The following TRAF7 variants were observed in gnomAD, a reference collection of about 807,000 sequenced individuals.
TRAF7 encodes the protein TNF receptor associated factor 7.
A neutral mutation model predicts 89.3 loss-of-function variants in TRAF7; 45 were observed. That is an observed-to-expected ratio of 0.50 (90% CI 0.40 to 0.65). The LOEUF is 0.65. Ranked by LOEUF, TRAF7 falls within the 30% of genes least tolerant of loss-of-function variation. The pLI, the probability that TRAF7 is intolerant of heterozygous loss-of-function variation, is 0.00. For missense variants in TRAF7, 677 were observed against 918.1 expected, an observed-to-expected ratio of 0.74 and a Z score of 3.39; for synonymous variants, 406 against 369.2, an observed-to-expected ratio of 1.10 and a Z score of -1.14.
chr16:2,175,015 G>GT lies in TRAF7; in HGVS notation c.1347-94dup, dbSNP rs2093129817. 5 of 1,493,476 alleles carry GT rather than the reference G, an allele frequency of 3.3e-6. No individual in the cohort carries two copies. In the East Asian group the frequency reaches 6.8e-5, roughly 20 times the overall value. 92.5% of individuals were successfully genotyped at this position (1,493,476 alleles called of 1,614,324 possible). A position where few individuals can be genotyped will look rare whatever the true frequency, so the allele number is the denominator to read the frequency against. On this transcript the variant is annotated intron_variant, in intron 14 of 20. Coordinates refer to ENST00000326181, the MANE Select transcript of TRAF7 (RefSeq NM_032271.3). ...GCCTTGGCCCTGGGCCATGCTGCTG[G>GT]TTCCTGATGGCTGGCATGGACCTCG...
chr16:2,174,227 C>T, intron 13 of TRAF7, 24 bp from the exon 14 acceptor site: 2 of 1,609,648 alleles, frequency 1.2e-6, no homozygotes, highest in Non-Finnish European at 1.7e-6. Flanking sequence ...TTGCTGGGAC[C>T]CACTGTGGCC....
chr16:2,164,494 G>C (rs866722957), intron 2 of TRAF7, among the ~76,000 whole-genome samples: 15 of 143,144 alleles, frequency 1.0e-4, no homozygotes, highest in African/African-American at 3.9e-4. Context: ...GGTTAAGCGT[G>C]TGAGTGCTAC....
chr16:2,177,351 G>T lies in TRAF7; in HGVS notation c.*777G>T. ...GAGACAGCAGGAAGGGGCCCTGCACGCCGGGACGCCACCTCCGCCAGCCGC... is the reference window on the plus strand; with the variant it reads ...GAGACAGCAGGAAGGGGCCCTGCACTCCGGGACGCCACCTCCGCCAGCCGC... On this transcript the variant is annotated 3_prime_UTR_variant, in exon 21 of 21. Coordinates refer to ENST00000326181, the MANE Select transcript of TRAF7 (RefSeq NM_032271.3). 1 of 233,880 alleles carries T rather than the reference G, an allele frequency of 4.3e-6. No homozygotes were observed. The allele number at this position is 233,880 out of a possible 1,614,324, so 14.5% of individuals were successfully genotyped here. A position where few individuals can be genotyped will look rare whatever the true frequency, so the allele number is the denominator to read the frequency against.
intron 2 of TRAF7, among the ~76,000 whole-genome samples, chr16:2,164,983 C>T (rs1265932388): frequency 3.1e-5 from 3 of 96,470 alleles, no homozygotes; most frequent in South Asian, 3.5e-4. Flanking sequence ...CATGGTTAAG[C>T]GTGTGAGTGC....
In TRAF7 at chr16:2,176,381, GAA is replaced by G; in HGVS notation, c.1996_1997del (p.Lys666GlyfsTer16). ...LFSGAVDSTV[K>X]VWTC Reference sequence around the variant, plus strand: ...TCTCAGGGGCTGTGGATAGCACTGTGAAGGTCAGTGCCCGTGGCTCAGGCCAT... The same window carrying G: ...TCTCAGGGGCTGTGGATAGCACTGTGGGTCAGTGCCCGTGGCTCAGGCCAT... On this transcript the variant is annotated frameshift_variant and splice_region_variant, in exon 20 of 21. Coordinates refer to ENST00000326181, the MANE Select transcript of TRAF7 (RefSeq NM_032271.3). LOFTEE classifies it high-confidence loss of function. The G allele has an allele frequency of 6.2e-7, 1 of 1,608,850 alleles. No homozygotes were observed.
intron 11 of TRAF7, 33 bp from the exon 12 acceptor site, chr16:2,173,755 C>A (rs770926497): frequency 6.2e-7 from 1 of 1,609,574 alleles, no homozygotes; most frequent in Non-Finnish European, 8.5e-7. Context: ...CAGCCCTGCC[C>A]ACCTGCCCTC....
chr16:2,177,947 C>A lies in TRAF7; in HGVS notation c.*1373C>A. The stretch of plus-strand genomic sequence containing the variant: ...GGAGGAAGGACCGCAGGCAGACAGC[C>A]TGGGCCTCTAACAGCTTTTGTCCGG... On this transcript the variant is annotated 3_prime_UTR_variant, in exon 21 of 21. Coordinates refer to ENST00000326181, the MANE Select transcript of TRAF7 (RefSeq NM_032271.3). 1 of 362,832 alleles carries A rather than the reference C, an allele frequency of 2.8e-6. No homozygotes were observed. The highest frequency in any genetic ancestry group is 2.7e-5 in the South Asian group (1 of 36,704). 22.5% of individuals were successfully genotyped at this position (362,832 alleles called of 1,614,324 possible).
chr16:2,175,812 A>C lies in TRAF7; in HGVS notation c.1627-22A>C, dbSNP rs369432026. 8.1e-6 allele frequency: 13 copies of C among 1,611,110 alleles called. No individual in the cohort carries two copies. In the African/African-American group the frequency reaches 1.5e-4, roughly 18 times the overall value. On this transcript the variant is annotated intron_variant, in intron 17 of 20. Coordinates refer to ENST00000326181, the MANE Select transcript of TRAF7 (RefSeq NM_032271.3). ...GGGTGAAGCACCTGGCCTGGGACCA[A>C]CTGGCCCACGATTACTCATAGATCT...
chr16:2,160,931 A>G (rs1279098938), intron 1 of TRAF7, among the ~76,000 whole-genome samples: 2 of 152,028 alleles, frequency 1.3e-5, no homozygotes. Flanking sequence ...TTGTGGCCCA[A>G]GGGGTCCTCT....
In TRAF7 at chr16:2,173,794, C is replaced by T; in HGVS notation, c.1093C>T (p.Leu365=). ...RRDASMLNDE[L]SHINARLNMG... ...CCTGCCCTTGGCCCTGCAGGACGAG[C>T]TGTCCCACATCAACGCGCGGCTGAA... Residue 365 remains leucine (L), a synonymous_variant, in exon 12 of 21, where the codon CTG becomes TTG. Transcript: ENST00000326181. 2 of 1,610,556 alleles carry T rather than the reference C, an allele frequency of 1.2e-6. No individual in the cohort carries two copies. The highest frequency in any genetic ancestry group is 1.7e-6 in the Non-Finnish European group (2 of 1,179,816).
At chr16:2,173,738 C>T (rs371856392) in intron 11 of TRAF7, 50 bp from the exon 12 acceptor site, 12 of 1,604,136 alleles carry the variant, frequency 7.5e-6, no homozygotes, top group Non-Finnish European at 1.0e-5. Flanking sequence ...CTGCACTGGC[C>T]CCACAGCAGC....
chr16:2,166,614 A>C (rs979981180), intron 3 of TRAF7, among the ~76,000 whole-genome samples: 1 of 152,116 alleles, frequency 6.6e-6, no homozygotes, highest in Non-Finnish European at 1.5e-5. Flanking sequence ...GTTGCCCAGG[A>C]TGGTCTCAAA....
intron 14 of TRAF7, among the ~76,000 whole-genome samples, chr16:2,174,613 TAGG>T (rs1191078639): frequency 6.6e-6 from 1 of 151,856 alleles, no homozygotes; most frequent in Admixed American, 6.6e-5. Context: ...AACCAGAAGA[TAGG>T]GGGGACCTTA....
chr16:2,163,194 G>GC lies in TRAF7; in HGVS notation c.-38-682dup, dbSNP rs1017311120. 6.6e-5 allele frequency among the ~76,000 whole-genome samples: 10 copies of GC among 152,062 alleles called. No individual in the cohort carries two copies. Among genetic ancestry groups the GC allele is most frequent in the Non-Finnish European group, 7.4e-5 (5 of 67,952 alleles). On this transcript the variant is annotated intron_variant, in intron 1 of 20. Transcript: ENST00000326181. This position sits in a 1 kb window ranked among gnomAD's most constrained non-coding sequence, Gnocchi z 4.3. ...GGTGATTCCCGCATGCCTTCTCCCT[G>GC]CCCCCCCACCCACCAGCCCCTGAGC...
At position 2,173,796 on chromosome 16, in the gene TRAF7, G is replaced by A. The variant is rs1421808781; in HGVS notation, c.1095G>A (p.Leu365=). The part of the protein sequence containing the change: ...RRDASMLNDE[L]SHINARLNMG... The stretch of plus-strand genomic sequence containing the variant: ...TGCCCTTGGCCCTGCAGGACGAGCT[G>A]TCCCACATCAACGCGCGGCTGAACA... Residue 365 remains leucine, a synonymous_variant, in exon 12 of 21, where the codon CTG becomes CTA. Transcript: ENST00000326181. 2 of 1,610,638 alleles carry A rather than the reference G, an allele frequency of 1.2e-6. No individual in the cohort carries two copies. Among genetic ancestry groups the A allele is most frequent in the Non-Finnish European group, 8.5e-7 (1 of 1,179,826 alleles).
intron 5 of TRAF7, 77 bp from the exon 6 acceptor site, chr16:2,171,187 G>C (rs1399626305): frequency 8.9e-6 from 11 of 1,238,526 alleles, no homozygotes; most frequent in Non-Finnish European, 1.1e-5. Context: ...CCTGGAGCAA[G>C]AGCGCCTGGG....
In TRAF7 at chr16:2,159,158, G is replaced by A. The variant is rs1006569508; in HGVS notation, c.-39+3300G>A. Among the ~76,000 whole-genome samples, 7 of 152,204 alleles carry A rather than the reference G, an allele frequency of 4.6e-5. No individual in the cohort carries two copies. Among genetic ancestry groups the A allele is most frequent in the Admixed American group, 1.3e-4 (2 of 15,282 alleles). On this transcript the variant is annotated intron_variant, in intron 1 of 20. Coordinates refer to ENST00000326181, the MANE Select transcript of TRAF7 (RefSeq NM_032271.3). This position sits in a 1 kb window ranked among gnomAD's most constrained non-coding sequence, Gnocchi z 6.5. ...CCCTCCCTGGAGCAGAGGGAGATAC[G>A]GACGCTGGAGAGGCTTGGCCAGGGC...
chr16:2,169,111 G>A (rs1051751261), intron 4 of TRAF7, among the ~76,000 whole-genome samples: 8 of 152,064 alleles, frequency 5.3e-5, no homozygotes, highest in African/African-American at 1.2e-4. Context: ...TCAGCCTCCC[G>A]AGTAGCTGGG....
chr16:2,157,126 C>G (rs1189955644), intron 1 of TRAF7, among the ~76,000 whole-genome samples: 1 of 151,458 alleles, frequency 6.6e-6, no homozygotes, highest in Non-Finnish European at 1.5e-5. Flanking sequence ...CCCCCTAGCC[C>G]TCGCCAAGTG....
Sources: allele counts gnomAD v4.1 joint callset (sites outside exome capture counted in the v4.1 genomes callset), GRCh38; gene constraint gnomAD v4.1.1; non-coding constraint Gnocchi (gnomAD v3.1); transcripts MANE v1.5; gene names NCBI Gene and HGNC (gene_info 2026-07-23, HGNC 2026-07-21).